SEC14L5: variants seen among roughly 807,000 people sequenced by gnomAD.
The protein encoded by SEC14L5 is SEC14 like lipid binding 5.
Under a neutral mutation model 84.6 loss-of-function variants are expected in SEC14L5, and 96 were observed. The observed-to-expected ratio is 1.13, with a 90% CI of 0.96 to 1.34. The LOEUF (loss-of-function observed/expected upper bound fraction) is 1.34. Ranked by LOEUF, SEC14L5 falls within the 40% of genes most tolerant of loss-of-function variation. The pLI is 0.00. For missense variants in SEC14L5, 1,224 were observed against 942.5 expected, an observed-to-expected ratio of 1.30 and a Z score of -3.91; for synonymous variants, 546 against 383.4, an observed-to-expected ratio of 1.42 and a Z score of -4.95.
chr16:4,960,647 G>A (rs543854724), intron 2 of SEC14L5: 2 of 152,164 alleles, frequency 1.3e-5, no homozygotes, highest in Admixed American at 6.5e-5. Context: ...CCCAATTGAC[G>A]AGCTGAGTGA....
intron 2 of SEC14L5, among the ~76,000 whole-genome samples, chr16:4,974,260 G>C (rs1002407686): frequency 6.6e-6 from 1 of 152,120 alleles, no homozygotes; most frequent in Non-Finnish European, 1.5e-5. Context: ...CTGTTACCCA[G>C]GCTGGAGTGC....
chr16:5,013,679 C>T (rs1169380890), intron 15 of SEC14L5, among the ~76,000 whole-genome samples: 2 of 151,418 alleles, frequency 1.3e-5, no homozygotes, highest in South Asian at 2.1e-4. Context: ...ATGCCTCAGC[C>T]TCCTGAGTAG....
intron 6 of SEC14L5, among the ~76,000 whole-genome samples, chr16:4,992,427 T>C (rs1955562872): frequency 6.6e-6 from 1 of 152,080 alleles, no homozygotes; most frequent in African/African-American, 2.4e-5. Context: ...ATTTTTTCTA[T>C]TTTTAGCAGA....
intron 15 of SEC14L5, 139 bp downstream of exon 15, chr16:5,011,412 C>G (rs1596647151): frequency 1.3e-6 from 1 of 783,012 alleles, no homozygotes; most frequent in Non-Finnish European, 2.0e-6. Flanking sequence ...TTGGAGTTCT[C>G]AGGTGACACA....
intron 2 of SEC14L5, among the ~76,000 whole-genome samples, chr16:4,962,336 C>T (rs774561488): frequency 1.3e-5 from 2 of 152,112 alleles, no homozygotes; most frequent in Non-Finnish European, 2.9e-5. Context: ...ACTCCCTTCG[C>T]TGTTGAGTCT....
intron 6 of SEC14L5, 103 bp from the exon 7 acceptor site, chr16:4,996,244 GT>G: frequency 1.4e-6 from 1 of 709,204 alleles, no homozygotes; most frequent in Non-Finnish European, 2.4e-6. Flanking sequence ...TTGGAACCAC[GT>G]TTTAGAGTCA....
intron 2 of SEC14L5, among the ~76,000 whole-genome samples, chr16:4,965,565 G>A (rs1036069560): frequency 6.8e-6 from 1 of 146,188 alleles, no homozygotes; most frequent in African/African-American, 2.5e-5. Flanking sequence ...GGAGGCTGAG[G>A]CAGGAGAATG....
At chr16:4,991,441 C>T (rs1333174970) in intron 5 of SEC14L5, among the ~76,000 whole-genome samples, 2 of 151,784 alleles carry the variant, frequency 1.3e-5, no homozygotes, top group Non-Finnish European at 2.9e-5. Flanking sequence ...TGGTGTGTGC[C>T]TATAGTCCCA....
At chr16:5,012,892 C>G (rs1254753038) in intron 15 of SEC14L5, among the ~76,000 whole-genome samples, 2 of 86,542 alleles carry the variant, frequency 2.3e-5, no homozygotes, top group South Asian at 4.7e-4. Context: ...GAGACTGTCT[C>G]AAAAAGAAAA....
chr16:4,983,515 C>T (rs1171446785), intron 2 of SEC14L5, among the ~76,000 whole-genome samples: 1 of 149,772 alleles, frequency 6.7e-6, no homozygotes, highest in Admixed American at 6.7e-5. Flanking sequence ...TATATGCACA[C>T]TATATAAATT....
intron 2 of SEC14L5, among the ~76,000 whole-genome samples, chr16:4,985,282 A>C (rs954446060): frequency 6.6e-6 from 1 of 152,068 alleles, no homozygotes; most frequent in African/African-American, 2.4e-5. Flanking sequence ...CTGGAGTGCA[A>C]TGGCACAATG....
Position 4,996,950 on chromosome 16 carries a change from C to A in SEC14L5, c.876C>A (p.Arg292=). ...REMLRQSLSW[R]KQHQVDLLLQ... is the part of the protein sequence containing the mutation. ...TGCTGCGCCAGTCCTTGAGCTGGCG[C>A]AAGCAGCACCAGGTGGATCTCCTCC... Residue 292 remains arginine (R), a synonymous_variant, in exon 8 of 16, where the codon CGC becomes CGA. Coordinates refer to ENST00000251170, the MANE Select transcript of SEC14L5 (RefSeq NM_014692.2). The A allele has an allele frequency of 6.2e-7, 1 of 1,613,666 alleles. No homozygotes were observed. Among genetic ancestry groups the A allele is most frequent in the Non-Finnish European group, 8.5e-7 (1 of 1,179,706 alleles).
Position 5,006,448 on chromosome 16 carries a change from G to A in SEC14L5, c.1437+400G>A, listed in dbSNP as rs77387950. Among the ~76,000 whole-genome samples the A allele has an allele frequency of 6.2e-3, 949 of 152,280 alleles. 10 individuals carry two copies. Among genetic ancestry groups the A allele is most frequent in the African/African-American group, 0.021 (864 of 41,556 alleles). The stretch of plus-strand genomic sequence containing the variant: ...ATCTGCAGCTCTGGACCCTGGAGCT[G>A]GGACTAGCCTCCAACCCACAGCCAC... On this transcript the variant is annotated intron_variant, in intron 12 of 15. Transcript: ENST00000251170.
intron 2 of SEC14L5, among the ~76,000 whole-genome samples, chr16:4,967,510 C>A (rs1206305972): frequency 6.6e-6 from 1 of 150,842 alleles, no homozygotes; most frequent in Non-Finnish European, 1.5e-5. Context: ...ACCCCACAGC[C>A]AGAGCTCACA....
intron 8 of SEC14L5, among the ~76,000 whole-genome samples, chr16:5,000,431 C>T (rs1339232771): frequency 1.3e-5 from 2 of 152,258 alleles, no homozygotes; most frequent in African/African-American, 2.4e-5. Flanking sequence ...AGCCACTGTG[C>T]TGGCCCTTAT....
chr16:5,014,922 GTCC>G lies in SEC14L5; in HGVS notation c.2053_2055del (p.Ser685del), dbSNP rs758053771. 3.4e-4 allele frequency: 541 copies of G among 1,612,694 alleles called. 1 individual carries two copies. The highest frequency in any genetic ancestry group is 1.7e-4 in the Admixed American group (10 of 59,992). On this transcript the variant is annotated inframe_deletion, in exon 16 of 16. Coordinates refer to ENST00000251170, the MANE Select transcript of SEC14L5 (RefSeq NM_014692.2). ...TCTCCCAGCTCAGCGCCGCCACCTCGTCCTCCTCCTCCGGCCAGTCTCATAGCA... is the reference window on the plus strand; with the variant it reads ...TCTCCCAGCTCAGCGCCGCCACCTCGTCCTCCTCCGGCCAGTCTCATAGCA...
At chr16:4,998,680 G>T (rs1329860154) in intron 8 of SEC14L5, among the ~76,000 whole-genome samples, 2 of 135,982 alleles carry the variant, frequency 1.5e-5, no homozygotes, top group Non-Finnish European at 3.1e-5. Flanking sequence ...GGAGCTTGCA[G>T]TGAGCCGAGA....
rs780015064 is a variant in SEC14L5 at position 4,991,881 on chromosome 16, A to T, written c.518A>T (p.Gln173Leu). ...CATTACCTGAATGAGCTCATCTCCC[A>T]GGGTACCTCGCACATTCCGCGCTGG... is the stretch of plus-strand genomic sequence containing the variant. ...IEHYLNELIS[Q>L]GTSHIPRWTP... Residue 173 changes from glutamine to leucine, a missense_variant, in exon 6 of 16, where the codon CAG becomes CTG. Coordinates refer to ENST00000251170, the MANE Select transcript of SEC14L5 (RefSeq NM_014692.2). 12 of 1,610,430 alleles carry T rather than the reference A, an allele frequency of 7.5e-6. No homozygotes were observed. Among genetic ancestry groups the T allele is most frequent in the Admixed American group, 3.3e-5 (2 of 59,730 alleles).
intron 10 of SEC14L5, among the ~76,000 whole-genome samples, chr16:5,003,014 A>C (rs1955693424): frequency 6.6e-6 from 1 of 152,236 alleles, no homozygotes; most frequent in Non-Finnish European, 1.5e-5. Flanking sequence ...TGCTAGGCCT[A>C]AATGGCCACT....
Sources: gnomAD v4.1 joint callset for allele counts (sites outside exome capture counted in the v4.1 genomes callset) on GRCh38, gnomAD v4.1.1 for gene constraint, MANE v1.5 for transcripts, NCBI Gene and HGNC (gene_info 2026-07-23, HGNC 2026-07-21) for gene names.